ZMAT2: variants seen among roughly 807,000 people sequenced by gnomAD.
ZMAT2 encodes the protein zinc finger matrin-type 2.
Under a neutral mutation model 27.5 loss-of-function variants are expected in ZMAT2, and 5 were observed. The ratio of observed to expected loss-of-function variants is 0.18; its 90% confidence interval spans 0.10 to 0.38. The LOEUF is 0.38. Ranked by LOEUF, ZMAT2 falls within the 10% of genes least tolerant of loss-of-function variation. The pLI, the probability that ZMAT2 is intolerant of heterozygous loss-of-function variation, is 1.00. For missense variants in ZMAT2, 124 were observed against 243.9 expected (o/e 0.51, Z 3.27); for synonymous variants, 76 against 78.6 (o/e 0.97, Z 0.17).
At chr5:140,700,952 G>A (rs781294978) in intron 2 of ZMAT2, 40 bp downstream of exon 2, 2 of 1,596,824 alleles carry the variant, frequency 1.3e-6, no homozygotes, top group South Asian at 1.1e-5. Flanking sequence ...GTATCACAGA[G>A]GCGATGCGAT....
At chr5:140,704,064 T>G (rs1364706786) in intron 4 of ZMAT2, 73 bp downstream of exon 4, 12 of 1,334,282 alleles carry the variant, frequency 9.0e-6, no homozygotes, top group Non-Finnish European at 1.1e-5. Context: ...GAAGGGTAGC[T>G]TTTTTTTTCT....
chr5:140,700,844 A>G lies in ZMAT2; in HGVS notation c.44A>G (p.Lys15Arg), dbSNP rs770087153. ...ACAAAAAACTTGGACTTTCGCCGAAAGTGGGACAAAGATGAATATGAGAAA... is the reference window on the plus strand; with the variant it reads ...ACAAAAAACTTGGACTTTCGCCGAAGGTGGGACAAAGATGAATATGAGAAA... The part of the protein sequence containing the change: ...SGTKNLDFRR[K>R]WDKDEYEKLA... Residue 15 changes from lysine (K) to arginine (R), a missense_variant, in exon 2 of 6, where the codon AAG becomes AGG. By Grantham distance (26) the Lys-to-Arg change is conservative. Coordinates refer to ENST00000274712, the MANE Select transcript of ZMAT2 (RefSeq NM_144723.3). The G allele has an allele frequency of 9.9e-6, 16 of 1,613,948 alleles. No individual in the cohort carries two copies. Among genetic ancestry groups the G allele is most frequent in the Non-Finnish European group, 1.4e-5 (16 of 1,179,952 alleles).
intron 5 of ZMAT2, 134 bp from the exon 6 acceptor site, chr5:140,705,479 T>A: frequency 2.9e-6 from 3 of 1,047,448 alleles, no homozygotes; most frequent in Non-Finnish European, 4.0e-6. Flanking sequence ...TATCCCCATA[T>A]TAGAGATCTT....
In ZMAT2 at chr5:140,700,827, C is replaced by G. The variant is rs1759947056; in HGVS notation, c.27C>G (p.Asn9Lys). Residue 9 changes from asparagine (N) to lysine (K), a missense_variant, in exon 2 of 6, where the codon AAC becomes AAG. This residue lies in a region of ZMAT2 where 24 missense variants were observed against 24.1 expected (regional missense o/e 0.99). Transcript: ENST00000274712. ...CTTTTTCCTCCCCACAGACAAAAAA[C>G]TTGGACTTTCGCCGAAAGTGGGACA... MASGSGTKNLDFRRKWDKD... is the reference protein window; with the variant it reads MASGSGTKKLDFRRKWDKD... The G allele has an allele frequency of 2.5e-6, 4 of 1,613,818 alleles. No homozygotes were observed. Among genetic ancestry groups the G allele is most frequent in the African/African-American group, 1.3e-5 (1 of 74,892 alleles).
In ZMAT2 at chr5:140,703,902, T is replaced by A; in HGVS notation, c.237-16T>A. 6.2e-7 allele frequency: 1 copy of A among 1,611,744 alleles called. No homozygotes were observed. Among genetic ancestry groups the A allele is most frequent in the South Asian group, 1.1e-5 (1 of 90,864 alleles). On this transcript the variant is annotated splice_polypyrimidine_tract_variant and intron_variant, in intron 3 of 5. Coordinates refer to ENST00000274712, the MANE Select transcript of ZMAT2 (RefSeq NM_144723.3). ...TTAAAACCATATTTGACTCAGGTGCTGTTTCTTCCTGTTAGATATTACTGC... is the reference window on the plus strand; with the variant it reads ...TTAAAACCATATTTGACTCAGGTGCAGTTTCTTCCTGTTAGATATTACTGC...
intron 1 of ZMAT2, 152 bp from the exon 2 acceptor site, chr5:140,700,667 G>GGGTCTTGA: frequency 1.6e-6 from 2 of 1,273,126 alleles, no homozygotes; most frequent in Non-Finnish European, 2.2e-6. Flanking sequence ...TCTCGGGTTG[G>GGGTCTTGA]GGTCTTGAGG....
Sources: gnomAD v4.1 joint callset for allele counts on GRCh38, gnomAD v4.1.1 for gene constraint, gnomAD v4.1.1 regional missense constraint, MANE v1.5 for transcripts, NCBI Gene and HGNC (gene_info 2026-07-23, HGNC 2026-07-21) for gene names.